The following MAST4 variants were observed in gnomAD, a reference collection of about 807,000 sequenced individuals.
MAST4 encodes the protein microtubule associated serine/threonine kinase family member 4, also known as microtubule-associated serine/threonine-protein kinase 4.
MAST4 carries 89 observed loss-of-function variants against 162.7 expected under a neutral mutation model. That is an observed-to-expected ratio of 0.55 (90% CI 0.46 to 0.65). The LOEUF (loss-of-function observed/expected upper bound fraction) is 0.65. MAST4 is among the 30% of genes least tolerant of loss of function. The pLI, the probability that MAST4 is intolerant of heterozygous loss-of-function variation, is 0.00. For missense variants in MAST4, 3,153 were observed against 3,374.0 expected, an observed-to-expected ratio of 0.93 and a Z score of 1.62; for synonymous variants, 1,479 against 1,361.1, an observed-to-expected ratio of 1.09 and a Z score of -1.91.
chr5:66,686,832 A>G (rs1356435581), intron 1 of MAST4, among the ~76,000 whole-genome samples: 4 of 152,220 alleles, frequency 2.6e-5, no homozygotes, highest in Non-Finnish European at 4.4e-5. Flanking sequence ...GGTATCATCA[A>G]ATACCTAAGT....
chr5:67,064,501 T>G (rs1653694080), intron 5 of MAST4, among the ~76,000 whole-genome samples: 1 of 151,968 alleles, frequency 6.6e-6, no homozygotes, highest in African/African-American at 2.4e-5. Context: ...AAAGAGGGAG[T>G]CTTCCTTAAT....
intron 4 of MAST4, among the ~76,000 whole-genome samples, chr5:66,918,846 A>G (rs1287382585): frequency 6.6e-6 from 1 of 152,316 alleles, no homozygotes; most frequent in African/African-American, 2.4e-5. Context: ...AATGAATGGT[A>G]TATATATTAA....
intron 1 of MAST4, among the ~76,000 whole-genome samples, chr5:66,686,104 G>A (rs1042496668): frequency 1.3e-5 from 2 of 151,978 alleles, no homozygotes; most frequent in African/African-American, 2.4e-5. Flanking sequence ...TGGGTGTCGC[G>A]GACCTCTGCT....
intron 4 of MAST4, among the ~76,000 whole-genome samples, chr5:66,980,124 T>A (rs867117352): frequency 5.7e-4 from 87 of 152,322 alleles, no homozygotes; most frequent in African/African-American, 1.9e-3. Flanking sequence ...TCTGAATAGC[T>A]GGGCTGGGGG....
chr5:67,132,166 G>A (rs1168796628), intron 16 of MAST4, among the ~76,000 whole-genome samples: 1 of 151,934 alleles, frequency 6.6e-6, no homozygotes, highest in African/African-American at 2.4e-5. Flanking sequence ...AGGATACAAT[G>A]CATATGTATA....
chr5:66,997,138 TATA>T (rs1003306313), intron 4 of MAST4, among the ~76,000 whole-genome samples: 12 of 152,086 alleles, frequency 7.9e-5, no homozygotes, highest in African/African-American at 1.7e-4. Context: ...CATATTAAAT[TATA>T]ATTCAAATAT....
At chr5:67,087,369 A>AT (rs1449361236) in intron 5 of MAST4, among the ~76,000 whole-genome samples, 2 of 152,112 alleles carry the variant, frequency 1.3e-5, no homozygotes, top group Non-Finnish European at 2.9e-5. Context: ...CTGGCCACCC[A>AT]TACCAATTAC....
At chr5:66,942,702 G>C (rs1424390581) in intron 4 of MAST4, among the ~76,000 whole-genome samples, 1 of 152,106 alleles carries the variant, frequency 6.6e-6, no homozygotes, top group African/African-American at 2.4e-5. Flanking sequence ...TCATGATAAA[G>C]TAGCCATGAT....
At chr5:66,912,543 C>A (rs1433277511) in intron 4 of MAST4, among the ~76,000 whole-genome samples, 1 of 152,104 alleles carries the variant, frequency 6.6e-6, no homozygotes, top group African/African-American at 2.4e-5. Flanking sequence ...TAGATCAGTA[C>A]ACAGTTTTCA....
chr5:66,949,028 G>C (rs1206413196), intron 4 of MAST4, among the ~76,000 whole-genome samples: 2 of 152,062 alleles, frequency 1.3e-5, no homozygotes, highest in Non-Finnish European at 2.9e-5. Context: ...AGGTAAGCTG[G>C]AGTTACTTGT....
At chr5:67,020,593 G>C (rs1323553719) in intron 4 of MAST4, among the ~76,000 whole-genome samples, 1 of 152,186 alleles carries the variant, frequency 6.6e-6, no homozygotes, top group African/African-American at 2.4e-5. Flanking sequence ...TTCTATTCAA[G>C]TTGACGCCTC....
chr5:67,070,653 T>G (rs544972724), intron 5 of MAST4, among the ~76,000 whole-genome samples: 1 of 152,322 alleles, frequency 6.6e-6, no homozygotes, highest in South Asian at 2.1e-4. Context: ...GCTATAATAC[T>G]GGAAACTAAG....
intron 1 of MAST4, among the ~76,000 whole-genome samples, chr5:66,736,230 A>G (rs1455019281): frequency 6.6e-6 from 1 of 152,124 alleles, no homozygotes; most frequent in Non-Finnish European, 1.5e-5. Flanking sequence ...TCTCCCTGCT[A>G]CCACTTATAC....
intron 3 of MAST4, among the ~76,000 whole-genome samples, chr5:66,844,903 G>A (rs2149795567): frequency 6.6e-6 from 1 of 151,622 alleles, no homozygotes; most frequent in South Asian, 2.1e-4. Context: ...TAGATAAGAA[G>A]GATACATATG....
chr5:67,119,596 T>TA (rs1373884275), intron 13 of MAST4, among the ~76,000 whole-genome samples: 4 of 152,232 alleles, frequency 2.6e-5, no homozygotes. Context: ...GATTTTTATG[T>TA]AAAACGGTTG....
At position 67,163,773 on chromosome 5, in the gene MAST4, C is replaced by T; in HGVS notation, c.4594C>T (p.Leu1532=). Residue 1532 remains leucine (L), a synonymous_variant, in exon 29 of 29, where the codon CTG becomes TTG. Coordinates refer to ENST00000403625, the MANE Select transcript of MAST4 (RefSeq NM_001164664.2). The surrounding 1 kb of genome is among the most constrained non-coding windows in gnomAD (Gnocchi z 7.0). ...ESVDDLDRDK[L]KAKVVVKKAD... ...TGTGGACGACCTGGACCGCGACAAG[C>T]TGAAGGCCAAGGTGGTGGTGAAGAA... 1.2e-6 allele frequency: 2 copies of T among 1,611,026 alleles called. No homozygotes were observed. The highest frequency in any genetic ancestry group is 1.7e-6 in the Non-Finnish European group (2 of 1,178,690).
rs542014327 is a variant in MAST4, at chr5:67,038,923, G to T, written c.675-15481G>T. On this transcript the variant is annotated intron_variant, in intron 4 of 28. Transcript: ENST00000403625. ...CTGAAGCTAGTATCTTAAGACCCAG[G>T]GCTCTGGAGAGAGATCTTTAATTTA... Among the ~76,000 whole-genome samples the T allele has an allele frequency of 2.0e-5, 3 of 152,182 alleles. No homozygotes were observed. The East Asian group carries it at 5.8e-4, about 29-fold the overall frequency.
chr5:66,955,697 A>G (rs1441231535), intron 4 of MAST4, among the ~76,000 whole-genome samples: 4 of 152,204 alleles, frequency 2.6e-5, no homozygotes, highest in Non-Finnish European at 5.9e-5. Flanking sequence ...GTATGTGTCT[A>G]TGAAAGGGAA....
intron 15 of MAST4, among the ~76,000 whole-genome samples, chr5:67,131,200 T>C (rs1353033872): frequency 1.3e-5 from 2 of 152,144 alleles, no homozygotes; most frequent in Admixed American, 1.3e-4. Flanking sequence ...GCTTGCCTTA[T>C]TTTCACCCAG....
Sources: gnomAD v4.1 joint callset for allele counts (sites outside exome capture counted in the v4.1 genomes callset) on GRCh38, gnomAD v4.1.1 for gene constraint, Gnocchi (gnomAD v3.1) non-coding constraint, MANE v1.5 for transcripts, NCBI Gene and HGNC (gene_info 2026-07-23, HGNC 2026-07-21) for gene names.